Variants in CORIN observed in about 807,000 individuals in gnomAD.
CORIN encodes the protein atrial natriuretic peptide-converting enzyme.
In CORIN, 117 loss-of-function variants were observed where a neutral mutation model predicts 125.3. The ratio of observed to expected loss-of-function variants is 0.93; its 90% CI spans 0.80 to 1.09. CORIN has a LOEUF of 1.09. Ranked by LOEUF, CORIN falls within the 50% of genes least tolerant of loss-of-function variation. The pLI is 0.00. For synonymous variants in CORIN, 450 were observed against 466.4 expected, an observed-to-expected ratio of 0.96 and a Z score of 0.45; for missense variants, 1,253 against 1,306.7, an observed-to-expected ratio of 0.96 and a Z score of 0.63.
chr4:47,673,196 A>G (rs868127520), intron 10 of CORIN, among the ~76,000 whole-genome samples: 1 of 139,698 alleles, frequency 7.2e-6, no homozygotes, highest in Non-Finnish European at 1.5e-5. Context: ...ATAAATAAAT[A>G]AATAAATAAA....
chr4:47,602,510 A>T (rs1721486663), intron 20 of CORIN, among the ~76,000 whole-genome samples: 1 of 152,194 alleles, frequency 6.6e-6, no homozygotes, highest in Non-Finnish European at 1.5e-5. Flanking sequence ...GATAAGACCA[A>T]ATCACAACAT....
At chr4:47,706,306 A>T in intron 5 of CORIN, 2 of 1,180,446 alleles carry the variant, frequency 1.7e-6, no homozygotes, top group Non-Finnish European at 2.5e-6. Flanking sequence ...GCTCTACTCT[A>T]TGGACTTTCA....
rs1260813872 is a variant in CORIN, at chr4:47,693,069, C to A, written c.814G>T (p.Gly272Cys). Residue 272 changes from glycine (G) to cysteine (C), a missense_variant, in exon 6 of 22, where the codon GGT becomes TGT. Physicochemically the swap from Gly to Cys is radical, Grantham distance 159. Coordinates refer to ENST00000273857, the MANE Select transcript of CORIN (RefSeq NM_006587.4). ...ENGKQLLCGRGENFLCASGIC... is the reference protein window; with the variant it reads ...ENGKQLLCGRCENFLCASGIC... ...CCACTGGCACACAGAAAGTTCTCAC[C>A]CCTTCCACAGAGCACTAAAAAAAAA... is the stretch of plus-strand genomic sequence containing the variant. The A allele has an allele frequency of 1.2e-6, 2 of 1,612,296 alleles. No individual in the cohort carries two copies. Among genetic ancestry groups the A allele is most frequent in the South Asian group, 2.2e-5 (2 of 91,036 alleles).
At chr4:47,676,461 C>A (rs1218478515) in intron 9 of CORIN, among the ~76,000 whole-genome samples, 5 of 152,062 alleles carry the variant, frequency 3.3e-5, no homozygotes, top group African/African-American at 4.8e-5. Flanking sequence ...GGGCATGCAC[C>A]CTATTAAGGG....
chr4:47,724,577 C>T (rs1362948064), intron 5 of CORIN, among the ~76,000 whole-genome samples: 1 of 151,998 alleles, frequency 6.6e-6, no homozygotes, highest in East Asian at 1.9e-4. Flanking sequence ...CTCAACAGAA[C>T]CCAGATAAGA....
At chr4:47,688,614 T>A (rs568132060) in intron 6 of CORIN, among the ~76,000 whole-genome samples, 1 of 152,208 alleles carries the variant, frequency 6.6e-6, no homozygotes, top group Admixed American at 6.5e-5. Context: ...AAAAAAATTT[T>A]AAAAAACATA....
Position 47,706,143 on chromosome 4 carries a change from T to C in CORIN, c.800-13060A>G, listed in dbSNP as rs145980101. 3.9e-3 allele frequency among the ~76,000 whole-genome samples: 598 copies of C among 152,338 alleles called. 5 individuals carry two copies. The highest frequency in any genetic ancestry group is 0.013 in the African/African-American group (561 of 41,580). ...TACATAATGTGATTTCTGTGGATGC[T>C]GAATGGATTTTTCAGCAGGTGATCT... On this transcript the variant is annotated intron_variant, in intron 5 of 21. Coordinates refer to ENST00000273857, the MANE Select transcript of CORIN (RefSeq NM_006587.4).
At chr4:47,832,573 T>C (rs1733102568) in intron 1 of CORIN, among the ~76,000 whole-genome samples, 2 of 151,498 alleles carry the variant, frequency 1.3e-5, no homozygotes, top group Non-Finnish European at 1.5e-5. Context: ...GCCTCCCAAG[T>C]AGCTGGGACT....
chr4:47,609,586 G>A (rs894080256), intron 19 of CORIN, among the ~76,000 whole-genome samples: 3 of 135,232 alleles, frequency 2.2e-5, no homozygotes. Flanking sequence ...AAGGTAAACG[G>A]ATTTTTTTTT....
At chr4:47,670,375 C>T (rs1724692962) in intron 10 of CORIN, among the ~76,000 whole-genome samples, 1 of 152,216 alleles carries the variant, frequency 6.6e-6, no homozygotes, top group Non-Finnish European at 1.5e-5. Flanking sequence ...TCATTCCTCT[C>T]TTCTACTATT....
intron 5 of CORIN, 80 bp downstream of exon 5, chr4:47,744,322 T>A (rs1728556647): frequency 2.3e-6 from 3 of 1,294,478 alleles, no homozygotes; most frequent in Non-Finnish European, 3.3e-6. Flanking sequence ...GACTGTACAC[T>A]TATTATTTAT....
chr4:47,685,598 ACT>A (rs974747057), intron 6 of CORIN, among the ~76,000 whole-genome samples: 4 of 152,154 alleles, frequency 2.6e-5, no homozygotes, highest in African/African-American at 7.2e-5. Flanking sequence ...TAGTCGCATA[ACT>A]CTATAAGTTT....
chr4:47,784,227 T>C (rs962740559), intron 3 of CORIN, among the ~76,000 whole-genome samples: 3 of 152,200 alleles, frequency 2.0e-5, no homozygotes, highest in Admixed American at 1.3e-4. Context: ...ATTACTGAAA[T>C]GTATGGAAAG....
intron 20 of CORIN, 102 bp downstream of exon 20, chr4:47,603,295 C>T: frequency 8.0e-7 from 1 of 1,242,276 alleles, no homozygotes; most frequent in South Asian, 1.4e-5. Flanking sequence ...CCTCCCCATC[C>T]CTGCAGAACT....
intron 13 of CORIN, among the ~76,000 whole-genome samples, chr4:47,647,511 A>AAAT (rs201407535): frequency 3.9e-5 from 6 of 151,952 alleles, no homozygotes; most frequent in East Asian, 3.8e-4. Flanking sequence ...GCATCCTCAC[A>AAAT]AATAATAATA....
intron 10 of CORIN, among the ~76,000 whole-genome samples, chr4:47,669,091 G>C (rs1167391885): frequency 3.3e-5 from 5 of 152,134 alleles, no homozygotes; most frequent in Non-Finnish European, 4.4e-5. Context: ...TCCGATATAA[G>C]TTTGATGTAG....
At chr4:47,741,821 G>C (rs572224638) in intron 5 of CORIN, among the ~76,000 whole-genome samples, 1 of 151,934 alleles carries the variant, frequency 6.6e-6, no homozygotes, top group Non-Finnish European at 1.5e-5. Flanking sequence ...GTCCCATACT[G>C]TATGATTTAA....
chr4:47,675,380 A>C (rs544435675), intron 9 of CORIN, among the ~76,000 whole-genome samples: 2 of 152,284 alleles, frequency 1.3e-5, no homozygotes, highest in African/African-American at 4.8e-5. Context: ...ATACTGAAAT[A>C]TTTATCCTTT....
intron 4 of CORIN, among the ~76,000 whole-genome samples, chr4:47,760,039 G>C (rs1317388705): frequency 2.0e-5 from 3 of 152,104 alleles, no homozygotes; most frequent in African/African-American, 7.2e-5. Context: ...AATCTAGAAT[G>C]GTAAATCATT....
Sources: gnomAD v4.1 joint callset for allele counts (sites outside exome capture counted in the v4.1 genomes callset) on GRCh38, gnomAD v4.1.1 for gene constraint, MANE v1.5 for transcripts, NCBI Gene and HGNC (gene_info 2026-07-23, HGNC 2026-07-21) for gene names.